The following RAB11FIP4 variants were observed in gnomAD, a reference collection of about 807,000 sequenced individuals.
RAB11FIP4 encodes the protein rab11 family-interacting protein 4.
RAB11FIP4 carries 23 observed loss-of-function variants against 74.3 expected under a neutral mutation model. The ratio of observed to expected loss-of-function variants is 0.31; its 90% confidence interval spans 0.22 to 0.44. The LOEUF is 0.44. RAB11FIP4 is among the 20% of genes least tolerant of loss of function. RAB11FIP4 has a pLI of 1.00. For missense variants in RAB11FIP4, 630 were observed against 863.9 expected, an observed-to-expected ratio of 0.73 and a Z score of 3.39; for synonymous variants, 360 against 359.9, an observed-to-expected ratio of 1.00 and a Z score of 0.00.
intron 1 of RAB11FIP4, among the ~76,000 whole-genome samples, chr17:31,403,569 A>G (rs1219279838): frequency 6.5e-4 from 99 of 151,980 alleles, no homozygotes; most frequent in African/African-American, 2.3e-3. Flanking sequence ...TGATCCACCC[A>G]TCTTGGCCTC....
chr17:31,534,321 G>A lies in RAB11FIP4; in HGVS notation c.*2589G>A, dbSNP rs1208102616. ...CTTGCTCTGTTGCCCAGGCTGGAGTGTAGTGGTATGATCATAGCTCACCAC... is the reference window on the plus strand; with the variant it reads ...CTTGCTCTGTTGCCCAGGCTGGAGTATAGTGGTATGATCATAGCTCACCAC... On this transcript the variant is annotated 3_prime_UTR_variant, in exon 15 of 15. Transcript: ENST00000621161. 1 of 152,212 alleles carries A rather than the reference G, an allele frequency of 6.6e-6. No individual in the cohort carries two copies. Among genetic ancestry groups the A allele is most frequent in the Non-Finnish European group, 1.5e-5 (1 of 68,050 alleles). The allele number at this position is 152,212 out of a possible 1,614,324, so 9.4% of individuals were successfully genotyped here.
At chr17:31,405,579 G>T (rs2071034812) in intron 1 of RAB11FIP4, among the ~76,000 whole-genome samples, 1 of 152,106 alleles carries the variant, frequency 6.6e-6, no homozygotes, top group Admixed American at 6.5e-5. Flanking sequence ...CACTGTGTTG[G>T]CAAGGCTGGT....
chr17:31,452,899 C>G (rs1451648634), intron 3 of RAB11FIP4, among the ~76,000 whole-genome samples: 1 of 152,196 alleles, frequency 6.6e-6, no homozygotes, highest in Non-Finnish European at 1.5e-5. Context: ...GGATGTTGCC[C>G]CTGCTGGAAG....
intron 3 of RAB11FIP4, among the ~76,000 whole-genome samples, chr17:31,473,073 G>A (rs555508594): frequency 1.3e-5 from 2 of 152,086 alleles, no homozygotes; most frequent in East Asian, 3.9e-4. Flanking sequence ...ATGGAGGCAC[G>A]TGAGGTGGGG....
In RAB11FIP4 at chr17:31,521,330, A is replaced by G. The variant is rs1346075392; in HGVS notation, c.728A>G (p.Tyr243Cys). The G allele has an allele frequency of 6.2e-7, 1 of 1,612,440 alleles. No individual in the cohort carries two copies. Among genetic ancestry groups the G allele is most frequent in the Non-Finnish European group, 8.5e-7 (1 of 1,179,182 alleles). ...CPDDETRTNVYSDLGSSVSSS... is the reference protein window; with the variant it reads ...CPDDETRTNVCSDLGSSVSSS... ...GATGATGAGACCAGGACCAACGTCTACTCGGACCTGGGGTCTTCGGTGTCT... is the reference window on the plus strand; with the variant it reads ...GATGATGAGACCAGGACCAACGTCTGCTCGGACCTGGGGTCTTCGGTGTCT... The change falls in exon 5 of 15, where the codon TAC becomes TGC. Residue 243 changes from tyrosine (Y) to cysteine (C), a missense_variant. By Grantham distance (194) the Tyr-to-Cys change is radical. Transcript: ENST00000621161.
intron 3 of RAB11FIP4, among the ~76,000 whole-genome samples, chr17:31,469,212 A>G (rs1009614939): frequency 3.9e-5 from 6 of 152,192 alleles, no homozygotes; most frequent in African/African-American, 1.4e-4. Flanking sequence ...ACGATGGGCC[A>G]GGGGCTGTTC....
intron 3 of RAB11FIP4, among the ~76,000 whole-genome samples, chr17:31,475,690 G>A (rs1318433624): frequency 6.6e-6 from 1 of 152,152 alleles, no homozygotes; most frequent in Admixed American, 6.5e-5. Context: ...CATGTTCCCA[G>A]CTGAGGTCAA....
intron 3 of RAB11FIP4, among the ~76,000 whole-genome samples, chr17:31,466,105 C>G (rs958082024): frequency 6.6e-5 from 10 of 152,100 alleles, no homozygotes; most frequent in Admixed American, 1.3e-4. Context: ...GATCACGCCA[C>G]TGCACTCCAG....
chr17:31,410,031 A>G (rs575799958), intron 1 of RAB11FIP4, among the ~76,000 whole-genome samples: 6 of 152,224 alleles, frequency 3.9e-5, no homozygotes, highest in South Asian at 2.1e-4. Flanking sequence ...GGGCCTCTGT[A>G]CTTCCTGGTG....
At chr17:31,510,122 G>A (rs1271389327) in intron 3 of RAB11FIP4, among the ~76,000 whole-genome samples, 2 of 152,220 alleles carry the variant, frequency 1.3e-5, no homozygotes, top group Non-Finnish European at 2.9e-5. Flanking sequence ...GGGTGTGGAA[G>A]ACCCCAGCCC....
intron 1 of RAB11FIP4, among the ~76,000 whole-genome samples, chr17:31,399,587 C>T (rs1184506676): frequency 6.6e-6 from 1 of 151,640 alleles, no homozygotes; most frequent in East Asian, 1.9e-4. Flanking sequence ...GTGGCATGCG[C>T]CTGTAGTCCC....
chr17:31,416,012 A>G (rs1400632342), intron 1 of RAB11FIP4, among the ~76,000 whole-genome samples: 1 of 152,146 alleles, frequency 6.6e-6, no homozygotes, highest in Non-Finnish European at 1.5e-5. Context: ...TGCATTATAG[A>G]TACAGAAACT....
intron 1 of RAB11FIP4, among the ~76,000 whole-genome samples, chr17:31,422,908 A>G (rs2071212971): frequency 7.1e-6 from 1 of 140,666 alleles, no homozygotes; most frequent in Non-Finnish European, 1.5e-5. Flanking sequence ...GTATCTATCT[A>G]TTGATTGCCT....
Position 31,522,379 on chromosome 17 carries a change from A to G in RAB11FIP4, c.913A>G (p.Ser305Gly), listed in dbSNP as rs757601840. 1 of 1,613,988 alleles carries G rather than the reference A, an allele frequency of 6.2e-7. No homozygotes were observed. The highest frequency in any genetic ancestry group is 8.5e-7 in the Non-Finnish European group (1 of 1,179,930). ...KANSPNRKIS[S>G]TAFGRQLMHS... is the part of the protein sequence containing the mutation. ...CTCTAGCCCCAACCGAAAGATCTCC[A>G]GCACGGCCTTTGGACGGTAAGGCCC... The change falls in exon 7 of 15, where the codon AGC becomes GGC. Residue 305 changes from serine (S) to glycine (G), a missense_variant. Coordinates refer to ENST00000621161, the MANE Select transcript of RAB11FIP4 (RefSeq NM_032932.6).
intron 1 of RAB11FIP4, among the ~76,000 whole-genome samples, chr17:31,416,673 G>A (rs138505307): frequency 6.6e-6 from 1 of 152,334 alleles, no homozygotes; most frequent in African/African-American, 2.4e-5. Context: ...CAGAGCCCCT[G>A]CAGCAGCAGG....
intron 1 of RAB11FIP4, among the ~76,000 whole-genome samples, chr17:31,400,291 C>G (rs775983044): frequency 1.6e-4 from 24 of 152,282 alleles, no homozygotes; most frequent in Admixed American, 5.2e-4. Context: ...AGGTGGAGCC[C>G]AGAATGAAAT....
At chr17:31,508,746 T>C (rs967673448) in intron 3 of RAB11FIP4, among the ~76,000 whole-genome samples, 1 of 152,122 alleles carries the variant, frequency 6.6e-6, no homozygotes, top group East Asian at 1.9e-4. Flanking sequence ...TGTGCATCTC[T>C]CTTAGTTGAG....
chr17:31,528,382 C>T (rs1478906249), intron 11 of RAB11FIP4, 24 bp from the exon 12 acceptor site: 1 of 1,608,098 alleles, frequency 6.2e-7, no homozygotes, highest in Middle Eastern at 1.7e-4. Flanking sequence ...ACTCTCCTCC[C>T]CTGATCGGGT....
intron 11 of RAB11FIP4, 97 bp downstream of exon 11, chr17:31,528,020 G>A: frequency 3.3e-6 from 3 of 912,368 alleles, no homozygotes; most frequent in Non-Finnish European, 5.0e-6. Context: ...CACCCCCTAA[G>A]AAATGCAAAA....
Sources: gnomAD v4.1 joint callset for allele counts (sites outside exome capture counted in the v4.1 genomes callset) on GRCh38, gnomAD v4.1.1 for gene constraint, MANE v1.5 for transcripts, NCBI Gene and HGNC (gene_info 2026-07-23, HGNC 2026-07-21) for gene names.